Variants in HS3ST4 observed in about 807,000 individuals in gnomAD.
The protein encoded by HS3ST4 is heparan sulfate glucosamine 3-O-sulfotransferase 4.
In HS3ST4, 17 loss-of-function variants were observed where a neutral mutation model predicts 29.2. That is an observed-to-expected ratio of 0.58 (90% CI 0.40 to 0.87). HS3ST4 has a LOEUF of 0.87. Ranked by LOEUF, HS3ST4 falls within the 40% of genes least tolerant of loss-of-function variation. HS3ST4 has a pLI of 0.00. For missense variants in HS3ST4, 627 were observed against 634.5 expected, an observed-to-expected ratio of 0.99 and a Z score of 0.13; for synonymous variants, 314 against 285.7, an observed-to-expected ratio of 1.10 and a Z score of -1.00.
intron 1 of HS3ST4, among the ~76,000 whole-genome samples, chr16:26,040,225 TC>T (rs1198148166): frequency 6.6e-6 from 1 of 152,104 alleles, no homozygotes; most frequent in Non-Finnish European, 1.5e-5. Flanking sequence ...TTAGATTCTC[TC>T]CCCCTTTGAC....
chr16:26,065,199 A>C (rs1288074692), intron 1 of HS3ST4, among the ~76,000 whole-genome samples: 1 of 152,244 alleles, frequency 6.6e-6, no homozygotes, highest in East Asian at 1.9e-4. Flanking sequence ...CACTATTCAC[A>C]ATAGCAAAGC....
At chr16:25,861,755 TTTC>T (rs1431191712) in intron 1 of HS3ST4, among the ~76,000 whole-genome samples, 1 of 152,174 alleles carries the variant, frequency 6.6e-6, no homozygotes, top group East Asian at 1.9e-4. Context: ...ATTTCCTGCT[TTTC>T]TTTGTAATTT....
intron 1 of HS3ST4, among the ~76,000 whole-genome samples, chr16:26,060,324 G>A (rs1349771581): frequency 2.0e-5 from 3 of 152,148 alleles, no homozygotes; most frequent in Non-Finnish European, 4.4e-5. Flanking sequence ...GGTAAGGTGG[G>A]AAGAACAGTA....
At chr16:25,813,520 C>T (rs1967063429) in intron 1 of HS3ST4, among the ~76,000 whole-genome samples, 2 of 152,124 alleles carry the variant, frequency 1.3e-5, no homozygotes, top group South Asian at 4.1e-4. Flanking sequence ...TCGCTTGAAC[C>T]TGGGAGGCGG....
chr16:26,063,013 A>T (rs976209655), intron 1 of HS3ST4: 1 of 159,682 alleles, frequency 6.3e-6, no homozygotes, highest in Non-Finnish European at 1.4e-5. Flanking sequence ...TTCTGGAAGC[A>T]TATGCCTTCT....
Position 26,037,948 on chromosome 16 carries a change from A to G in HS3ST4, c.735-97664A>G, listed in dbSNP as rs553971865. Among the ~76,000 whole-genome samples the G allele has an allele frequency of 2.9e-3, 441 of 152,304 alleles. 2 individuals carry two copies. The highest frequency in any genetic ancestry group is 4.8e-3 in the Non-Finnish European group (324 of 68,030). Reference sequence around the variant, plus strand: ...AGTAGCCAGAGGGATCTTTCAAAGCATATAACAGATCAGGCCACTTGCCGG... The same window carrying G: ...AGTAGCCAGAGGGATCTTTCAAAGCGTATAACAGATCAGGCCACTTGCCGG... On this transcript the variant is annotated intron_variant, in intron 1 of 1. Coordinates refer to ENST00000331351, the MANE Select transcript of HS3ST4 (RefSeq NM_006040.3).
chr16:25,904,851 T>C (rs1214638003), intron 1 of HS3ST4, among the ~76,000 whole-genome samples: 1 of 152,222 alleles, frequency 6.6e-6, no homozygotes, highest in Non-Finnish European at 1.5e-5. Flanking sequence ...TATGAGTTAA[T>C]AAATGTGAAG....
chr16:25,961,103 A>G (rs1035934282), intron 1 of HS3ST4, among the ~76,000 whole-genome samples: 1 of 152,202 alleles, frequency 6.6e-6, no homozygotes, highest in African/African-American at 2.4e-5. Context: ...AGTTTAATAT[A>G]TCTTCCATCT....
At chr16:25,917,489 G>A (rs1313029849) in intron 1 of HS3ST4, among the ~76,000 whole-genome samples, 1 of 152,176 alleles carries the variant, frequency 6.6e-6, no homozygotes, top group East Asian at 1.9e-4. Context: ...GAGATTATAG[G>A]CCTGAGCCAC....
At chr16:25,787,037 G>A (rs1214974102) in intron 1 of HS3ST4, among the ~76,000 whole-genome samples, 1 of 152,186 alleles carries the variant, frequency 6.6e-6, no homozygotes, top group Non-Finnish European at 1.5e-5. Context: ...GCTGGTCGAG[G>A]TTGAAACTTC....
intron 1 of HS3ST4, among the ~76,000 whole-genome samples, chr16:25,738,863 A>G (rs1370714159): frequency 6.6e-6 from 1 of 152,222 alleles, no homozygotes; most frequent in East Asian, 1.9e-4. Flanking sequence ...AACTTGAAGC[A>G]AGGAAGTATG....
At chr16:25,992,641 G>C (rs1596638152) in intron 1 of HS3ST4, among the ~76,000 whole-genome samples, 1 of 152,238 alleles carries the variant, frequency 6.6e-6, no homozygotes, top group East Asian at 1.9e-4. Context: ...AGCAAGGGCT[G>C]TCCGGGTCTT....
At chr16:26,038,156 G>C (rs113604782) in intron 1 of HS3ST4, among the ~76,000 whole-genome samples, 1 of 152,024 alleles carries the variant, frequency 6.6e-6, no homozygotes, top group Non-Finnish European at 1.5e-5. Flanking sequence ...CCTCAGCGAC[G>C]TCAAGCTCAG....
intron 1 of HS3ST4, among the ~76,000 whole-genome samples, chr16:25,973,102 T>C (rs1193344641): frequency 6.6e-6 from 1 of 152,110 alleles, no homozygotes; most frequent in Admixed American, 6.6e-5. Context: ...GTTTAAAAAA[T>C]AGAGACCACA....
At chr16:26,067,537 G>A (rs1898556657) in intron 1 of HS3ST4, among the ~76,000 whole-genome samples, 1 of 148,534 alleles carries the variant, frequency 6.7e-6, no homozygotes, top group African/African-American at 2.5e-5. Context: ...CCACCTCACT[G>A]ATTCTGTTTT....
intron 1 of HS3ST4, among the ~76,000 whole-genome samples, chr16:26,056,574 T>G (rs1001860529): frequency 2.6e-5 from 4 of 152,184 alleles, no homozygotes; most frequent in African/African-American, 9.6e-5. Flanking sequence ...CCCTCTAGTG[T>G]GAGGTGGATG....
intron 1 of HS3ST4, among the ~76,000 whole-genome samples, chr16:25,730,949 A>C (rs1966566636): frequency 6.6e-6 from 1 of 152,204 alleles, no homozygotes; most frequent in Non-Finnish European, 1.5e-5. Context: ...GACACACATT[A>C]AAATCAGCAG....
At chr16:26,025,008 G>C (rs994597363) in intron 1 of HS3ST4, among the ~76,000 whole-genome samples, 1 of 151,918 alleles carries the variant, frequency 6.6e-6, no homozygotes, top group African/African-American at 2.4e-5. Context: ...TCTTAGTAAA[G>C]TTACTAATGG....
intron 1 of HS3ST4, among the ~76,000 whole-genome samples, chr16:25,899,182 A>G (rs775602684): frequency 4.6e-5 from 7 of 152,208 alleles, no homozygotes; most frequent in African/African-American, 7.2e-5. Flanking sequence ...TTTATTTCAG[A>G]TGTTACTCCA....
Sources: allele counts gnomAD v4.1 joint callset (sites outside exome capture counted in the v4.1 genomes callset), GRCh38; gene constraint gnomAD v4.1.1; transcripts MANE v1.5; gene names NCBI Gene and HGNC (gene_info 2026-07-23, HGNC 2026-07-21).